PITX3: variants seen among roughly 807,000 people sequenced by gnomAD.
The protein encoded by PITX3 is paired like homeodomain 3.
In PITX3, 4 loss-of-function variants were observed where a neutral mutation model predicts 14.2. The observed-to-expected ratio is 0.28, with a 90% CI of 0.14 to 0.65. The LOEUF (loss-of-function observed/expected upper bound fraction) is 0.65. Ranked by LOEUF, PITX3 falls within the 30% of genes least tolerant of loss-of-function variation. The pLI is 0.82. For missense variants in PITX3, 358 were observed against 426.8 expected (o/e 0.84, Z 1.42); for synonymous variants, 194 against 204.5 (o/e 0.95, Z 0.44).
chr10:102,240,822 T>G (rs2070515671), intron 1 of PITX3, among the ~76,000 whole-genome samples: 1 of 152,188 alleles, frequency 6.6e-6, no homozygotes, highest in South Asian at 2.1e-4. Context: ...CAGCTCCTAT[T>G]CCAACTGCGG....
intron 1 of PITX3, among the ~76,000 whole-genome samples, chr10:102,237,134 G>C (rs1022047288): frequency 1.8e-4 from 28 of 152,164 alleles, no homozygotes; most frequent in African/African-American, 6.8e-4. Flanking sequence ...CCCAAGAACA[G>C]TAAGGCAGAG....
Position 102,230,499 on chromosome 10 carries a change from T to C in PITX3, c.*15A>G. The C allele has an allele frequency of 1.2e-6, 2 of 1,600,544 alleles. No homozygotes were observed. Among genetic ancestry groups the C allele is most frequent in the South Asian group, 1.1e-5 (1 of 89,036 alleles). On this transcript the variant is annotated 3_prime_UTR_variant, in exon 4 of 4. Transcript: ENST00000370002. ...GTTGCCCCCGCCCTCGGGGATGATCTACGGGCGGGGCCGCTCATACGGGCC... is the reference window on the plus strand; with the variant it reads ...GTTGCCCCCGCCCTCGGGGATGATCCACGGGCGGGGCCGCTCATACGGGCC...
intron 1 of PITX3, among the ~76,000 whole-genome samples, chr10:102,238,695 C>T (rs578177332): frequency 1.3e-5 from 2 of 152,210 alleles, no homozygotes; most frequent in Admixed American, 6.5e-5. Context: ...TCATTTAACT[C>T]GCACAACTGC....
chr10:102,234,373 C>A (rs1215876420), intron 1 of PITX3, among the ~76,000 whole-genome samples: 1 of 152,082 alleles, frequency 6.6e-6, no homozygotes, highest in Non-Finnish European at 1.5e-5. Context: ...AGATCTTGGA[C>A]CTTTTATTGG....
At position 102,231,598 on chromosome 10, in the gene PITX3, G is replaced by A. The variant is rs1421670730; in HGVS notation, c.311C>T (p.Ala104Val). ...GTCTGGAGAGCATACCCGCACGCGGGCCTCGGTGAGGTTGGTCCACACGGC... is the reference window on the plus strand; with the variant it reads ...GTCTGGAGAGCATACCCGCACGCGGACCTCGGTGAGGTTGGTCCACACGGC... ...EIAVWTNLTE[A>V]RVRVWFKNRR... The change falls in exon 3 of 4, where the codon GCC (alanine) becomes GTC (valine). Residue 104 changes from alanine to valine, a missense_variant. By Grantham distance (64) the Ala-to-Val change is moderately conservative. Coordinates refer to ENST00000370002, the MANE Select transcript of PITX3 (RefSeq NM_005029.4). 6.2e-7 allele frequency: 1 copy of A among 1,601,896 alleles called. No homozygotes were observed. Among genetic ancestry groups the A allele is most frequent in the Non-Finnish European group, 8.5e-7 (1 of 1,173,532 alleles).
intron 1 of PITX3, among the ~76,000 whole-genome samples, chr10:102,236,669 T>A (rs899180422): frequency 6.6e-6 from 1 of 152,162 alleles, no homozygotes; most frequent in African/African-American, 2.4e-5. Context: ...CACAACCCCA[T>A]GGCAATAAGT....
chr10:102,238,996 C>G lies in PITX3; in HGVS notation c.-13+2337G>C, dbSNP rs192094807. Among the ~76,000 whole-genome samples the G allele has an allele frequency of 2.5e-3, 382 of 152,342 alleles. 2 individuals carry two copies. The highest frequency in any genetic ancestry group is 8.8e-3 in the African/African-American group (367 of 41,572). On this transcript the variant is annotated intron_variant, in intron 1 of 3. Coordinates refer to ENST00000370002, the MANE Select transcript of PITX3 (RefSeq NM_005029.4). Reference sequence around the variant, plus strand: ...TTCTATTCATCCTGAGCTTGCATCACTCCAGTTCTAAAAGGCCCCCTCATC... The same window carrying G: ...TTCTATTCATCCTGAGCTTGCATCAGTCCAGTTCTAAAAGGCCCCCTCATC...
chr10:102,232,409 G>A (rs1046631728), intron 1 of PITX3, among the ~76,000 whole-genome samples: 5 of 152,196 alleles, frequency 3.3e-5, no homozygotes, highest in African/African-American at 9.6e-5. Context: ...TAGGCCGGGC[G>A]CAGTGGCTCA....
At chr10:102,235,967 G>C (rs1369491993) in intron 1 of PITX3, among the ~76,000 whole-genome samples, 1 of 152,224 alleles carries the variant, frequency 6.6e-6, no homozygotes, top group African/African-American at 2.4e-5. Flanking sequence ...AAGCCTTTAG[G>C]CTCTTGCATG....
At chr10:102,236,054 G>C (rs113326449) in intron 1 of PITX3, among the ~76,000 whole-genome samples, 261 of 152,296 alleles carry the variant, frequency 1.7e-3, no homozygotes, top group African/African-American at 6.0e-3. Flanking sequence ...GGAAAGAACA[G>C]TAAAGCCAGG....
At position 102,231,758 on chromosome 10, in the gene PITX3, C is replaced by A. The variant is rs1464196956; in HGVS notation, c.151G>T (p.Gly51Cys). The A allele has an allele frequency of 2.5e-6, 4 of 1,607,196 alleles. No individual in the cohort carries two copies. The highest frequency in any genetic ancestry group is 3.4e-6 in the Non-Finnish European group (4 of 1,178,074). ...SEKASASLPG[G>C]SPEDGSLKKK... The stretch of plus-strand genomic sequence containing the variant: ...TTCAGCGAACCGTCCTCTGGGGAGC[C>A]GCCGGGCAGCGAAGCCGAGGCCTTT... The change falls in exon 3 of 4, where the codon GGC becomes TGC. Residue 51 changes from glycine to cysteine, a missense_variant. By Grantham distance (159) the Gly-to-Cys change is radical. Around this residue, in one of 3 missense-constraint regions of PITX3, gnomAD observed 72 missense variants for 79.9 expected, o/e 0.90. Transcript: ENST00000370002.
intron 2 of PITX3, 54 bp from the exon 3 acceptor site, chr10:102,231,844 C>T: frequency 6.3e-7 from 1 of 1,589,652 alleles, no homozygotes; most frequent in East Asian, 2.2e-5. Context: ...CGCATATTCT[C>T]CGGCTCGGGG....
At chr10:102,240,532 C>G (rs539313794) in intron 1 of PITX3, among the ~76,000 whole-genome samples, 1 of 152,370 alleles carries the variant, frequency 6.6e-6, no homozygotes, top group East Asian at 1.9e-4. Context: ...AGCAGCTGGG[C>G]AGGCGCTGCT....
At chr10:102,231,534 A>T in intron 3 of PITX3, 54 bp downstream of exon 3, 3 of 1,230,050 alleles carry the variant, frequency 2.4e-6, no homozygotes, top group Non-Finnish European at 3.5e-6. Flanking sequence ...TCCGGGTCGC[A>T]GGCTGAGCGC....
intron 1 of PITX3, among the ~76,000 whole-genome samples, chr10:102,240,209 G>T (rs1470635317): frequency 1.3e-5 from 2 of 152,240 alleles, no homozygotes; most frequent in African/African-American, 4.8e-5. Flanking sequence ...CCAGGGGCTT[G>T]TACCCAGCTC....
At position 102,232,111 on chromosome 10, in the gene PITX3, A is replaced by C. The variant is rs1197873925; in HGVS notation, c.-12-19T>G. On this transcript the variant is annotated intron_variant, in intron 1 of 3. Transcript: ENST00000370002. ...GAGGGCTCTGGAGGCGAGAGAAGAC[A>C]CAGACCAGGGTAATGGGGGTAAAAT... 1 of 1,399,136 alleles carries C rather than the reference A, an allele frequency of 7.1e-7. No homozygotes were observed. The highest frequency in any genetic ancestry group is 1.0e-6 in the Non-Finnish European group (1 of 1,003,760). 86.7% of individuals were successfully genotyped at this position (1,399,136 alleles called of 1,614,324 possible). A position where few individuals can be genotyped will look rare whatever the true frequency, so the allele number is the denominator to read the frequency against.
At position 102,231,005 on chromosome 10, in the gene PITX3, G is replaced by GC; in HGVS notation, c.417dup (p.Leu140AlafsTer122). On this transcript the variant is annotated frameshift_variant, in exon 4 of 4. Transcript: ENST00000370002. LOFTEE classifies it low-confidence loss of function (END_TRUNC). ...TACACCTCCTCGTAGGGCGGCACCA[G>GC]CCCCCCGAGCGGCGCCGCGAAGCTG... The GC allele has an allele frequency of 6.3e-7, 1 of 1,597,956 alleles. No homozygotes were observed.
rs2070526571 is a variant in PITX3, at chr10:102,241,187, C to G, written c.-13+146G>C. Reference sequence around the variant, plus strand: ...TTTCCCTTTTCCCAAGTCCTGGCCCCAGGTCTGCAGTCCGCCCTCCCATTC... The same window carrying G: ...TTTCCCTTTTCCCAAGTCCTGGCCCGAGGTCTGCAGTCCGCCCTCCCATTC... On this transcript the variant is annotated intron_variant, in intron 1 of 3. Coordinates refer to ENST00000370002, the MANE Select transcript of PITX3 (RefSeq NM_005029.4). This position sits in a 1 kb window ranked among gnomAD's most constrained non-coding sequence, Gnocchi z 6.7. 6.5e-6 allele frequency: 1 copy of G among 152,730 alleles called. No homozygotes were observed. 9.5% of individuals were successfully genotyped at this position (152,730 alleles called of 1,614,324 possible).
chr10:102,230,280 C>T lies in PITX3; in HGVS notation c.*234G>A. On this transcript the variant is annotated 3_prime_UTR_variant, in exon 4 of 4. Transcript: ENST00000370002. The stretch of plus-strand genomic sequence containing the variant: ...GATGGGCCAAGGGTGAGTTGGCCCC[C>T]GGGGAGCTGGTCCCTGTTCCTGGCT... 3.9e-6 allele frequency: 2 copies of T among 515,354 alleles called. No individual in the cohort carries two copies. Among genetic ancestry groups the T allele is most frequent in the South Asian group, 6.9e-5 (2 of 29,186 alleles). The allele number at this position is 515,354 out of a possible 1,614,324, so 31.9% of individuals were successfully genotyped here.
Sources: allele counts gnomAD v4.1 joint callset (sites outside exome capture counted in the v4.1 genomes callset), GRCh38; gene constraint gnomAD v4.1.1; regional missense constraint gnomAD v4.1.1; non-coding constraint Gnocchi (gnomAD v3.1); transcripts MANE v1.5; gene names NCBI Gene and HGNC (gene_info 2026-07-23, HGNC 2026-07-21).